PCDHA10: variants seen among roughly 807,000 people sequenced by gnomAD.
The protein encoded by PCDHA10 is protocadherin alpha-10.
A neutral mutation model predicts 61.2 loss-of-function variants in PCDHA10; 45 were observed. That is an observed-to-expected ratio of 0.74 (90% CI 0.58 to 0.94). PCDHA10 has a LOEUF of 0.94. Among genes scored for constraint, PCDHA10 ranks in the 40% least tolerant of loss-of-function variants. The probability of loss-of-function intolerance (pLI) is 0.00; values close to 1 mark genes in which losing one functional copy is unlikely to be tolerated. For missense variants in PCDHA10, 1,278 were observed against 1,236.2 expected, an observed-to-expected ratio of 1.03 and a Z score of -0.51; for synonymous variants, 602 against 548.8, an observed-to-expected ratio of 1.10 and a Z score of -1.35.
chr5:140,870,678 G>C (rs1304914174), intron 1 of PCDHA10: 1 of 1,612,626 alleles, frequency 6.2e-7, no homozygotes, highest in African/African-American at 1.3e-5. Context: ...TGGACCACGA[G>C]GAGCTGGAGC....
intron 3 of PCDHA10, among the ~76,000 whole-genome samples, chr5:140,999,698 T>C (rs903538308): frequency 2.0e-5 from 3 of 152,192 alleles, no homozygotes; most frequent in Non-Finnish European, 4.4e-5. Flanking sequence ...ATGTGATTTT[T>C]TTTTAGCTAA....
At chr5:140,858,624 G>T (rs112932902) in intron 1 of PCDHA10, 188 bp downstream of exon 1, 7 of 1,115,778 alleles carry the variant, frequency 6.3e-6, no homozygotes, top group African/African-American at 4.7e-5. Context: ...CCTACCCAGT[G>T]TGTCAGCCTT....
chr5:140,965,193 A>G (rs1232668450), intron 1 of PCDHA10, among the ~76,000 whole-genome samples: 1 of 152,252 alleles, frequency 6.6e-6, no homozygotes, highest in East Asian at 1.9e-4. Flanking sequence ...CACATGAGGC[A>G]ATAGATTTCA....
intron 1 of PCDHA10, among the ~76,000 whole-genome samples, chr5:140,976,501 A>G (rs568983330): frequency 6.6e-6 from 1 of 152,240 alleles, no homozygotes; most frequent in East Asian, 1.9e-4. Context: ...CAGGGAGCCA[A>G]GATCGCGCCA....
chr5:140,919,649 T>C (rs1252944920), intron 1 of PCDHA10, among the ~76,000 whole-genome samples: 1 of 152,202 alleles, frequency 6.6e-6, no homozygotes, highest in African/African-American at 2.4e-5. Flanking sequence ...TTCTCTAGAG[T>C]TTACCATATA....
chr5:140,897,806 CA>C (rs1351917169), intron 1 of PCDHA10, among the ~76,000 whole-genome samples: 11 of 152,166 alleles, frequency 7.2e-5, no homozygotes, highest in African/African-American at 2.7e-4. Flanking sequence ...GTCCCACCAA[CA>C]GTGTAAAAGT....
At chr5:140,887,100 T>TC (rs1231390589) in intron 1 of PCDHA10, among the ~76,000 whole-genome samples, 2 of 151,232 alleles carry the variant, frequency 1.3e-5, no homozygotes, top group Non-Finnish European at 2.9e-5. Flanking sequence ...TATCTTTATC[T>TC]CTTTTTTTTT....
chr5:140,869,182 G>A (rs2050897144), intron 1 of PCDHA10: 2 of 1,613,976 alleles, frequency 1.2e-6, no homozygotes, highest in East Asian at 2.2e-5. Flanking sequence ...CTGGGAGGTG[G>A]GGAGCGGCCA....
chr5:140,934,833 G>C (rs1584817572), intron 1 of PCDHA10, among the ~76,000 whole-genome samples: 1 of 152,100 alleles, frequency 6.6e-6, no homozygotes, highest in Admixed American at 6.5e-5. Context: ...GGCAAGTTGG[G>C]AACTGTTCAG....
At chr5:140,870,745 G>A (rs369212308) in intron 1 of PCDHA10, 1 of 1,613,530 alleles carries the variant, frequency 6.2e-7, no homozygotes, top group South Asian at 1.1e-5. Context: ...GAGCAGCAAC[G>A]TGACGCTGCA....
At chr5:140,992,019 G>C (rs1326705755) in intron 3 of PCDHA10, among the ~76,000 whole-genome samples, 2 of 50,642 alleles carry the variant, frequency 3.9e-5, no homozygotes, top group African/African-American at 6.0e-5. Context: ...AGGTGGCTCT[G>C]TGTGTGTGTG....
At chr5:140,927,564 G>T (rs868927450) in intron 1 of PCDHA10, 1 of 1,614,150 alleles carries the variant, frequency 6.2e-7, no homozygotes. Context: ...TCATTGTGGT[G>T]GACACAAATG....
intron 1 of PCDHA10, chr5:140,968,651 GA>G: frequency 6.2e-7 from 1 of 1,614,154 alleles, no homozygotes; most frequent in Non-Finnish European, 8.5e-7. Flanking sequence ...CCAGACTTCT[GA>G]CCTGGACCTC....
At chr5:141,000,857 A>G (rs1002294819) in intron 3 of PCDHA10, among the ~76,000 whole-genome samples, 7 of 152,132 alleles carry the variant, frequency 4.6e-5, no homozygotes, top group African/African-American at 1.7e-4. Context: ...GCAGTCAGCC[A>G]TGACCTCACC....
chr5:140,883,980 G>A, intron 1 of PCDHA10: 1 of 1,612,872 alleles, frequency 6.2e-7, no homozygotes, highest in Non-Finnish European at 8.5e-7. Context: ...CCCGGGGCTG[G>A]CAGCGCGGGA....
chr5:140,958,454 T>G (rs2095424871), intron 1 of PCDHA10, among the ~76,000 whole-genome samples: 1 of 152,168 alleles, frequency 6.6e-6, no homozygotes, highest in African/African-American at 2.4e-5. Flanking sequence ...CCTTTTATTC[T>G]TCAACTTCTG....
intron 1 of PCDHA10, among the ~76,000 whole-genome samples, chr5:140,938,121 A>T (rs981387543): frequency 2.0e-5 from 3 of 151,892 alleles, no homozygotes; most frequent in Admixed American, 6.6e-5. Context: ...CTCTTTTTTT[A>T]AAAAAATAGA....
At chr5:140,872,005 G>A (rs961415529) in intron 1 of PCDHA10, among the ~76,000 whole-genome samples, 3 of 152,200 alleles carry the variant, frequency 2.0e-5, no homozygotes, top group Admixed American at 1.3e-4. Context: ...CTATTTACAG[G>A]TGACCTGTAG....
At chr5:140,887,284 G>T (rs1374515637) in intron 1 of PCDHA10, among the ~76,000 whole-genome samples, 1 of 152,044 alleles carries the variant, frequency 6.6e-6, no homozygotes, top group Non-Finnish European at 1.5e-5. Context: ...TTTTAGTAGA[G>T]ATGGGGTTTC....
Sources: gnomAD v4.1 joint callset for allele counts (sites outside exome capture counted in the v4.1 genomes callset) on GRCh38, gnomAD v4.1.1 for gene constraint, MANE v1.5 for transcripts, NCBI Gene and HGNC (gene_info 2026-07-23, HGNC 2026-07-21) for gene names.